Variants in HTR2C observed in about 807,000 individuals in gnomAD.
HTR2C encodes 5-hydroxytryptamine receptor 2C.
In HTR2C, 5 loss-of-function variants were observed where a neutral mutation model predicts 21.0. The observed-to-expected ratio is 0.24, with a 90% CI of 0.12 to 0.50. The LOEUF (loss-of-function observed/expected upper bound fraction) is 0.50, where lower values mean the gene tolerates loss of function less well. Among genes scored for constraint, HTR2C ranks in the 20% least tolerant of loss-of-function variants. The pLI is 0.98. For synonymous variants in HTR2C, 150 were observed against 145.3 expected, an observed-to-expected ratio of 1.03 and a Z score of -0.23; for missense variants, 271 against 371.2, an observed-to-expected ratio of 0.73 and a Z score of 2.22.
chrX:114,755,848 A>G (rs1421914993), intron 4 of HTR2C, among the ~76,000 whole-genome samples: 4 of 111,755 alleles, frequency 3.6e-5, no homozygotes, highest in African/African-American at 9.7e-5. Flanking sequence ...GCAAATTTAA[A>G]CCACAATGAA....
At chrX:114,803,480 C>T (rs1453011061) in intron 4 of HTR2C, among the ~76,000 whole-genome samples, 1 of 105,094 alleles carries the variant, frequency 9.5e-6, no homozygotes, top group East Asian at 3.1e-4. Flanking sequence ...CTCTGATGGC[C>T]AGTGATGGTG....
intron 2 of HTR2C, among the ~76,000 whole-genome samples, chrX:114,720,311 T>C (rs1180594768): frequency 1.8e-5 from 2 of 110,947 alleles, no homozygotes; most frequent in South Asian, 7.7e-4. Flanking sequence ...CTGATAGAAC[T>C]GATAAATGAG....
intron 4 of HTR2C, among the ~76,000 whole-genome samples, chrX:114,740,813 G>A (rs1408535396): frequency 9.0e-6 from 1 of 111,182 alleles, no homozygotes; most frequent in Non-Finnish European, 1.9e-5. Flanking sequence ...CTAAATAGTA[G>A]GTTTGCTTTT....
At chrX:114,857,270 A>G (rs2070970481) in intron 5 of HTR2C, among the ~76,000 whole-genome samples, 1 of 111,521 alleles carries the variant, frequency 9.0e-6, no homozygotes, top group Non-Finnish European at 1.9e-5. Context: ...ATTAAAATCT[A>G]TCTACCAATG....
At chrX:114,638,125 T>A (rs1404184636) in intron 2 of HTR2C, among the ~76,000 whole-genome samples, 3 of 111,678 alleles carry the variant, frequency 2.7e-5, no homozygotes, top group Non-Finnish European at 5.6e-5. Context: ...CGCTGATTTT[T>A]CCAAACAAAC....
At chrX:114,850,824 C>A (rs2070911061) in intron 5 of HTR2C, among the ~76,000 whole-genome samples, 1 of 110,294 alleles carries the variant, frequency 9.1e-6, no homozygotes, top group Non-Finnish European at 1.9e-5. Flanking sequence ...TATAGGCTTT[C>A]AAAAAAATAA....
intron 4 of HTR2C, among the ~76,000 whole-genome samples, chrX:114,761,873 CTATA>C (rs1168476168): frequency 2.6e-4 from 4 of 15,664 alleles, no homozygotes; most frequent in South Asian, 4.8e-3. Context: ...CTCTCTCTCT[CTATA>C]TATATATATA....
chrX:114,668,158 A>G (rs906874277), intron 2 of HTR2C, among the ~76,000 whole-genome samples: 1 of 111,757 alleles, frequency 8.9e-6, no homozygotes, highest in East Asian at 2.8e-4. Context: ...TAGACTCTCA[A>G]TGACAAGTCC....
chrX:114,716,273 G>T (rs1390739865), intron 2 of HTR2C, among the ~76,000 whole-genome samples: 6 of 112,722 alleles, frequency 5.3e-5, no homozygotes, highest in Non-Finnish European at 7.5e-5. Context: ...ATTGGGAAGT[G>T]TATGTTTTTA....
chrX:114,872,340 C>T (rs945754989), intron 5 of HTR2C, among the ~76,000 whole-genome samples: 3 of 110,365 alleles, frequency 2.7e-5, no homozygotes, highest in Non-Finnish European at 3.8e-5. Context: ...TTTCTTTTTG[C>T]TTACTTTGGA....
intron 4 of HTR2C, among the ~76,000 whole-genome samples, chrX:114,807,046 T>C (rs1437778608): frequency 8.3e-4 from 10 of 11,999 alleles, no homozygotes; most frequent in Non-Finnish European, 9.9e-4. Context: ...ACCATATATA[T>C]ACCATATATA....
intron 4 of HTR2C, among the ~76,000 whole-genome samples, chrX:114,837,224 T>A (rs1316882206): frequency 8.9e-6 from 1 of 112,115 alleles, no homozygotes; most frequent in Non-Finnish European, 1.9e-5. Flanking sequence ...TGTTGGGAAA[T>A]AATCCCCTTA....
At chrX:114,775,194 G>T in intron 4 of HTR2C, 1 of 521,093 alleles carries the variant, frequency 1.9e-6, no homozygotes, top group Non-Finnish European at 3.5e-6. Flanking sequence ...CTTCAGCTTT[G>T]TACTTCTCAG....
In HTR2C at chrX:114,830,341, C is replaced by T. The variant is rs192559716; in HGVS notation, c.350-17662C>T. ...ACTACACAGTTTGAAGATTTCGGGC[C>T]GTACTAAAATCTAAGCCAGGAGGTA... On this transcript the variant is annotated intron_variant, in intron 4 of 5. Transcript: ENST00000276198. Among the ~76,000 whole-genome samples the T allele has an allele frequency of 4.3e-3, 479 of 111,123 alleles. 1 individual carries two copies. The highest frequency in any genetic ancestry group is 4.9e-3 in the Non-Finnish European group (259 of 52,966).
intron 2 of HTR2C, among the ~76,000 whole-genome samples, chrX:114,662,606 A>G (rs922632046): frequency 1.8e-5 from 2 of 111,963 alleles, no homozygotes; most frequent in African/African-American, 6.5e-5. Flanking sequence ...AATGAAATAT[A>G]CTTTTTTTCT....
chrX:114,668,648 C>A (rs898441720), intron 2 of HTR2C, among the ~76,000 whole-genome samples: 11 of 111,255 alleles, frequency 9.9e-5, no homozygotes, highest in Admixed American at 5.8e-4. Context: ...TATCCTCTTG[C>A]ATATTCTTTA....
intron 2 of HTR2C, among the ~76,000 whole-genome samples, chrX:114,624,935 G>T (rs1455995204): frequency 4.5e-5 from 5 of 111,658 alleles, no homozygotes; most frequent in African/African-American, 1.6e-4. Context: ...GCTAAATAAG[G>T]CTCTATAAAA....
intron 4 of HTR2C, among the ~76,000 whole-genome samples, chrX:114,743,778 G>A (rs957387617): frequency 7.2e-5 from 8 of 111,638 alleles, no homozygotes; most frequent in African/African-American, 2.0e-4. Flanking sequence ...AGCAAACCTC[G>A]AACAGGATAA....
intron 2 of HTR2C, among the ~76,000 whole-genome samples, chrX:114,627,088 G>A (rs1929408649): frequency 9.0e-6 from 1 of 110,973 alleles, no homozygotes; most frequent in Non-Finnish European, 1.9e-5. Context: ...GCATTAAGTG[G>A]GCATTAGAAC....
Sources: allele counts gnomAD v4.1 joint callset (sites outside exome capture counted in the v4.1 genomes callset), GRCh38; gene constraint gnomAD v4.1.1; transcripts MANE v1.5; gene names NCBI Gene and HGNC (gene_info 2026-07-23, HGNC 2026-07-21).